Variants in ALG12 observed in about 807,000 individuals in gnomAD.
The protein encoded by ALG12 is ALG12 alpha-1,6-mannosyltransferase.
ALG12 carries 36 observed loss-of-function variants against 46.0 expected under a neutral mutation model. That is an observed-to-expected ratio of 0.78 (90% CI 0.60 to 1.03). The LOEUF (loss-of-function observed/expected upper bound fraction) is 1.03, where lower values mean the gene tolerates loss of function less well. Ranked by LOEUF, ALG12 falls within the 50% of genes least tolerant of loss-of-function variation. The pLI is 0.00. For missense variants in ALG12, 599 were observed against 633.5 expected (o/e 0.95, Z 0.58); for synonymous variants, 326 against 291.6 (o/e 1.12, Z -1.20).
chr22:49,871,095 A>G, the ALG12 span, among the ~76,000 whole-genome samples: 1 of 151,962 alleles, frequency 6.6e-6, no homozygotes, highest in African/African-American at 2.4e-5. Context: ...TGTGCACCAC[A>G]ATGCCTGGCT....
the ALG12 span, among the ~76,000 whole-genome samples, chr22:49,866,876 T>C: frequency 1.4e-3 from 214 of 152,330 alleles, 2 homozygotes; most frequent in East Asian, 0.028. Context: ...CTGGCGGCTC[T>C]TGAACGGTGG....
the ALG12 span, chr22:49,885,585 T>C: frequency 4.4e-6 from 7 of 1,605,592 alleles, no homozygotes; most frequent in Non-Finnish European, 6.0e-6. Context: ...CTTCCTCTTT[T>C]GATGACACCA....
chr22:49,917,537 G>C (rs918258063), intron 1 of ALG12, among the ~76,000 whole-genome samples: 2 of 152,086 alleles, frequency 1.3e-5, no homozygotes, highest in African/African-American at 4.8e-5. Flanking sequence ...CGGACCTGGT[G>C]GTGGGTGCCT....
Position 49,909,601 on chromosome 22 carries a change from G to A in ALG12, c.665-254C>T, listed in dbSNP as rs4075330. ...AGAAAAAAGACACCAACTGTGTCGAGGACACCACTGCCCAGAACCACCGCC... is the reference window on the plus strand; with the variant it reads ...AGAAAAAAGACACCAACTGTGTCGAAGACACCACTGCCCAGAACCACCGCC... On this transcript the variant is annotated intron_variant, in intron 5 of 9. Coordinates refer to ENST00000330817, the MANE Select transcript of ALG12 (RefSeq NM_024105.4). Among the ~76,000 whole-genome samples, 44,744 of 151,994 alleles carry A rather than the reference G, an allele frequency of 0.29. 8,351 individuals carry two copies. The highest frequency in any genetic ancestry group is 0.53 in the African/African-American group (22,067 of 41,430).
At chr22:49,895,418 G>C (rs577858497), downstream of ALG12, among the ~76,000 whole-genome samples, 1 of 152,102 alleles carries the variant, frequency 6.6e-6, no homozygotes, top group South Asian at 2.1e-4. Context: ...TTGGGAGGCC[G>C]AGGTGGGTGG....
chr22:49,884,070 C>T, the ALG12 span: 1 of 1,609,514 alleles, frequency 6.2e-7, no homozygotes, highest in Non-Finnish European at 8.5e-7. Flanking sequence ...AAGCAATATG[C>T]ATGTACTGTG....
At chr22:49,904,292 C>T (rs749007025) in intron 8 of ALG12, 38 bp from the exon 9 acceptor site, 11 of 1,614,048 alleles carry the variant, frequency 6.8e-6, no homozygotes, top group South Asian at 1.1e-5. Flanking sequence ...CCCAGCCCTG[C>T]AGTCGGAGCC....
At chr22:49,881,333 A>G in the ALG12 span, among the ~76,000 whole-genome samples, 1 of 152,394 alleles carries the variant, frequency 6.6e-6, no homozygotes, top group East Asian at 1.9e-4. Flanking sequence ...CCTGGGCGAC[A>G]GAGTGATCCG....
the ALG12 span, chr22:49,884,552 C>T: frequency 1.2e-6 from 2 of 1,613,332 alleles, no homozygotes; most frequent in Non-Finnish European, 1.7e-6. Flanking sequence ...TTCTACCTGT[C>T]GCCACTGGAC....
At chr22:49,885,906 C>T in the ALG12 span, 5 of 1,016,660 alleles carry the variant, frequency 4.9e-6, no homozygotes, top group Non-Finnish European at 6.1e-6. Flanking sequence ...CCCTCACGGC[C>T]CACTGGGTTT....
At chr22:49,863,620 C>T in the ALG12 span, among the ~76,000 whole-genome samples, 15 of 139,724 alleles carry the variant, frequency 1.1e-4, no homozygotes, top group African/African-American at 3.5e-4. Flanking sequence ...AGCGAGACTC[C>T]GTCTCAAAAA....
At chr22:49,874,704 G>A in the ALG12 span, among the ~76,000 whole-genome samples, 71 of 15,958 alleles carry the variant, frequency 4.4e-3, no homozygotes, top group East Asian at 0.021. Flanking sequence ...TTTTTGAGAC[G>A]GAGTCTCACT....
In ALG12 at chr22:49,900,253, A is replaced by T. The variant is rs1463084185; in HGVS notation, c.*3585T>A. 2 of 152,142 alleles carry T rather than the reference A, an allele frequency of 1.3e-5. No individual in the cohort carries two copies. The highest frequency in any genetic ancestry group is 4.8e-5 in the African/African-American group (2 of 41,350). 9.4% of individuals were successfully genotyped at this position (152,142 alleles called of 1,614,324 possible). A position where few individuals can be genotyped will look rare whatever the true frequency, so the allele number is the denominator to read the frequency against. ...ATATATGTGTAATGTTTATCTTTAC[A>T]AAATTAAACACATGGGAGATAAACC... is the stretch of plus-strand genomic sequence containing the variant. On this transcript the variant is annotated 3_prime_UTR_variant, in exon 10 of 10. Transcript: ENST00000330817.
chr22:49,874,949 T>C, the ALG12 span, among the ~76,000 whole-genome samples: 3 of 151,992 alleles, frequency 2.0e-5, no homozygotes, highest in East Asian at 1.9e-4. Flanking sequence ...TCCCAAAGTG[T>C]TGGGATTACA....
the ALG12 span, among the ~76,000 whole-genome samples, chr22:49,866,565 T>G: frequency 6.6e-6 from 1 of 152,202 alleles, no homozygotes; most frequent in African/African-American, 2.4e-5. Flanking sequence ...TCCTGATTTA[T>G]GTTGTTTCTT....
At chr22:49,886,236 G>A in the ALG12 span, 3 of 949,768 alleles carry the variant, frequency 3.2e-6, no homozygotes, top group South Asian at 2.9e-5. This position sits in a 1 kb window ranked among gnomAD's most constrained non-coding sequence, Gnocchi z 7.7. Flanking sequence ...AGATCTGCGA[G>A]CGGGTGCACC....
chr22:49,890,755 G>A, the ALG12 span, among the ~76,000 whole-genome samples: 1 of 152,136 alleles, frequency 6.6e-6, no homozygotes, highest in African/African-American at 2.4e-5. Flanking sequence ...GGTGGCTCAC[G>A]CCTGTAATCC....
intron 4 of ALG12, among the ~76,000 whole-genome samples, 169 bp from the exon 5 acceptor site, chr22:49,910,257 G>T (rs888485634): frequency 1.3e-5 from 2 of 152,238 alleles, no homozygotes; most frequent in Non-Finnish European, 2.9e-5. Flanking sequence ...TGGCCAGGAA[G>T]TGTGTCCCAA....
Position 49,917,015 on chromosome 22 carries a change from C to T in ALG12, c.-79+1248G>A, listed in dbSNP as rs576227244. ...CCTCGGACCCAACAAGGTGTGCCTTCTGCTGATGACCAGCACAGCTCACTT... is the reference window on the plus strand; with the variant it reads ...CCTCGGACCCAACAAGGTGTGCCTTTTGCTGATGACCAGCACAGCTCACTT... On this transcript the variant is annotated intron_variant, in intron 1 of 9. Transcript: ENST00000330817. 3.3e-5 allele frequency among the ~76,000 whole-genome samples: 5 copies of T among 152,362 alleles called. No homozygotes were observed. In the East Asian group the frequency reaches 9.6e-4, roughly 29 times the overall value.
Sources: allele counts gnomAD v4.1 joint callset (sites outside exome capture counted in the v4.1 genomes callset), GRCh38; gene constraint gnomAD v4.1.1; non-coding constraint Gnocchi (gnomAD v3.1); transcripts MANE v1.5; gene names NCBI Gene and HGNC (gene_info 2026-07-23, HGNC 2026-07-21).